The following GRM7 variants were observed in gnomAD, a reference collection of about 807,000 sequenced individuals.
GRM7 encodes glutamate metabotropic receptor 7.
In GRM7, 35 loss-of-function variants were observed where a neutral mutation model predicts 84.5. That is an observed-to-expected ratio of 0.41 (90% CI 0.32 to 0.55). The LOEUF (loss-of-function observed/expected upper bound fraction) is 0.55, where lower values mean the gene tolerates loss of function less well. Among genes scored for constraint, GRM7 ranks in the 20% least tolerant of loss-of-function variants. GRM7 has a pLI of 0.19. For missense variants in GRM7, 1,003 were observed against 1,194.6 expected, an observed-to-expected ratio of 0.84 and a Z score of 2.36; for synonymous variants, 487 against 455.1, an observed-to-expected ratio of 1.07 and a Z score of -0.89.
chr3:7,143,771 G>A (rs1461188682), intron 1 of GRM7, among the ~76,000 whole-genome samples: 1 of 152,158 alleles, frequency 6.6e-6, no homozygotes, highest in Admixed American at 6.6e-5. Flanking sequence ...TGGCAGGAAA[G>A]GCATCTGCGC....
intron 2 of GRM7, among the ~76,000 whole-genome samples, chr3:7,298,105 A>G (rs73809056): frequency 6.6e-6 from 1 of 152,180 alleles, no homozygotes; most frequent in Non-Finnish European, 1.5e-5. Context: ...AAAACACTTA[A>G]TGATGGCTTA....
At chr3:7,430,538 T>C (rs1696784953) in intron 5 of GRM7, among the ~76,000 whole-genome samples, 1 of 152,196 alleles carries the variant, frequency 6.6e-6, no homozygotes, top group African/African-American at 2.4e-5. Context: ...ATGCTATAAG[T>C]ACTTTAGAAC....
chr3:7,217,050 G>A (rs1696637989), intron 2 of GRM7, among the ~76,000 whole-genome samples: 1 of 152,208 alleles, frequency 6.6e-6, no homozygotes. Flanking sequence ...ATACCTTGAA[G>A]GTAGTTTGCC....
chr3:7,620,476 C>T (rs1196980193), intron 8 of GRM7, among the ~76,000 whole-genome samples: 1 of 152,076 alleles, frequency 6.6e-6, no homozygotes, highest in Admixed American at 6.6e-5. Context: ...AGCTATATTA[C>T]TTTCAGAAAG....
intron 1 of GRM7, among the ~76,000 whole-genome samples, chr3:7,067,592 G>C (rs1697714235): frequency 6.6e-6 from 1 of 151,912 alleles, no homozygotes; most frequent in Non-Finnish European, 1.5e-5. Flanking sequence ...TGACTCCCAG[G>C]AATACTCTGG....
At chr3:7,328,768 C>A (rs1010289379) in intron 4 of GRM7, among the ~76,000 whole-genome samples, 1 of 151,402 alleles carries the variant, frequency 6.6e-6, no homozygotes, top group Admixed American at 6.6e-5. Flanking sequence ...CTAGACATAG[C>A]AAATTGCACT....
At chr3:7,599,250 T>C (rs1197965503) in intron 8 of GRM7, among the ~76,000 whole-genome samples, 2 of 152,218 alleles carry the variant, frequency 1.3e-5, no homozygotes, top group African/African-American at 4.8e-5. Flanking sequence ...TGATTTTTTA[T>C]TGTAAAATTA....
At chr3:7,738,442 G>A (rs1045300054) in intron 9 of GRM7, among the ~76,000 whole-genome samples, 22 of 152,004 alleles carry the variant, frequency 1.4e-4, no homozygotes, top group Admixed American at 1.4e-3. Flanking sequence ...AGCATCAACG[G>A]AATGCCATTA....
chr3:7,623,776 A>G (rs3804869), intron 8 of GRM7, among the ~76,000 whole-genome samples: 20,395 of 152,226 alleles, frequency 0.13, 1,560 homozygotes, highest in Non-Finnish European at 0.17. Flanking sequence ...CACACAGTAC[A>G]GTATCTATGA....
chr3:7,093,807 T>C (rs1698759525), intron 1 of GRM7, among the ~76,000 whole-genome samples: 2 of 151,568 alleles, frequency 1.3e-5, no homozygotes, highest in South Asian at 2.1e-4. Context: ...AGCTCCCCTA[T>C]TGAATACTTA....
chr3:6,990,733 C>G (rs2124854287), intron 1 of GRM7, among the ~76,000 whole-genome samples: 1 of 152,318 alleles, frequency 6.6e-6, no homozygotes, highest in East Asian at 1.9e-4. Flanking sequence ...CAGGTTCTTT[C>G]TGCAGGATTT....
intron 8 of GRM7, among the ~76,000 whole-genome samples, chr3:7,651,272 C>A (rs1264669504): frequency 6.6e-6 from 1 of 152,126 alleles, no homozygotes; most frequent in Non-Finnish European, 1.5e-5. Context: ...TGCTTTTGAT[C>A]CTCCTTGGGG....
chr3:6,922,617 A>G (rs1048165408), intron 1 of GRM7, among the ~76,000 whole-genome samples: 2 of 152,202 alleles, frequency 1.3e-5, no homozygotes, highest in Non-Finnish European at 2.9e-5. Flanking sequence ...ATTAGATCAC[A>G]AATTTTAGAA....
At chr3:6,950,729 G>A (rs2125068599) in intron 1 of GRM7, among the ~76,000 whole-genome samples, 1 of 152,316 alleles carries the variant, frequency 6.6e-6, no homozygotes, top group East Asian at 1.9e-4. Flanking sequence ...GGGCCGCTTT[G>A]TTTACCTACT....
chr3:7,426,666 T>C (rs1460537246), intron 5 of GRM7, among the ~76,000 whole-genome samples: 1 of 152,088 alleles, frequency 6.6e-6, no homozygotes, highest in African/African-American at 2.4e-5. Flanking sequence ...TGCTCCTCAG[T>C]GTGCATATGA....
chr3:7,661,000 A>C (rs1699419001), intron 8 of GRM7, among the ~76,000 whole-genome samples: 1 of 152,240 alleles, frequency 6.6e-6, no homozygotes, highest in Non-Finnish European at 1.5e-5. Flanking sequence ...TAAAACCTAA[A>C]CTATAAAACT....
Position 7,339,212 on chromosome 3 carries a change from G to A in GRM7, c.1033+32560G>A, listed in dbSNP as rs191590849. On this transcript the variant is annotated intron_variant, in intron 4 of 9. Transcript: ENST00000357716. ...TCTCTGAATTGCCTAAGTAGCAGTG[G>A]CCATTCAAAATTTGCTTGGATGGAA... Among the ~76,000 whole-genome samples, 394 of 152,182 alleles carry A rather than the reference G, an allele frequency of 2.6e-3. 1 individual carries two copies. Among genetic ancestry groups the A allele is most frequent in the African/African-American group, 8.9e-3 (370 of 41,530 alleles).
chr3:7,412,989 C>A (rs1696007407), intron 4 of GRM7, among the ~76,000 whole-genome samples: 3 of 151,750 alleles, frequency 2.0e-5, no homozygotes, highest in Admixed American at 2.0e-4. Flanking sequence ...CACTATGACA[C>A]ACACACACAC....
chr3:7,720,604 G>A (rs1478594407), intron 9 of GRM7, among the ~76,000 whole-genome samples: 1 of 152,168 alleles, frequency 6.6e-6, no homozygotes, highest in Non-Finnish European at 1.5e-5. Context: ...AGTGCTCCCT[G>A]AGCACTTTAC....
Sources: allele counts gnomAD v4.1 joint callset (sites outside exome capture counted in the v4.1 genomes callset), GRCh38; gene constraint gnomAD v4.1.1; transcripts MANE v1.5; gene names NCBI Gene and HGNC (gene_info 2026-07-23, HGNC 2026-07-21).